The following PLCG2 variants were observed in gnomAD, a reference collection of about 807,000 sequenced individuals.
PLCG2 encodes the protein 1-phosphatidylinositol 4,5-bisphosphate phosphodiesterase gamma-2.
Under a neutral mutation model 175.6 loss-of-function variants are expected in PLCG2, and 69 were observed. The observed-to-expected ratio is 0.39, with a 90% CI of 0.32 to 0.48. PLCG2 has a LOEUF of 0.48. Among genes scored for constraint, PLCG2 ranks in the 20% least tolerant of loss-of-function variants. PLCG2 has a pLI of 0.91. For synonymous variants in PLCG2, 827 were observed against 624.0 expected, an observed-to-expected ratio of 1.33 and a Z score of -4.85; for missense variants, 1,798 against 1,650.9, an observed-to-expected ratio of 1.09 and a Z score of -1.54.
intron 25 of PLCG2, among the ~76,000 whole-genome samples, chr16:81,933,143 G>A (rs924048218): frequency 3.9e-5 from 6 of 152,190 alleles, no homozygotes; most frequent in Admixed American, 2.0e-4. Flanking sequence ...TGCTGTTGGC[G>A]GCCTTTGGTC....
chr16:81,804,222 TG>T (rs1260319828), intron 2 of PLCG2, among the ~76,000 whole-genome samples: 1 of 152,248 alleles, frequency 6.6e-6, no homozygotes, highest in Non-Finnish European at 1.5e-5. Context: ...TGTTAGTATC[TG>T]TCTTTTTGGT....
chr16:81,957,974 C>G lies in PLCG2; in HGVS notation c.3774C>G (p.Val1258=). Residue 1258 remains valine (V), a synonymous_variant, in exon 33 of 33, where the codon GTC becomes GTG. Transcript: ENST00000564138. ...KCNKRLREKR[V]SNSKFYS is the part of the protein sequence containing the mutation. ...ATTTCAGGTTAAGAGAGAAGAGAGT[C>G]AGCAACAGCAAGTTTTACTCATAGA... 6.2e-7 allele frequency: 1 copy of G among 1,613,536 alleles called. No homozygotes were observed. The highest frequency in any genetic ancestry group is 8.5e-7 in the Non-Finnish European group (1 of 1,179,466).
At chr16:81,865,190 G>T (rs1907168559) in intron 5 of PLCG2, among the ~76,000 whole-genome samples, 1 of 152,168 alleles carries the variant, frequency 6.6e-6, no homozygotes, top group Admixed American at 6.5e-5. Flanking sequence ...GCGTGGACTG[G>T]GTCAGAGCTG....
chr16:81,905,565 G>A (rs1909333303), intron 15 of PLCG2, 58 bp downstream of exon 15: 1 of 1,122,130 alleles, frequency 8.9e-7, no homozygotes, highest in Admixed American at 1.8e-5. Flanking sequence ...GCTGCTTCTT[G>A]GAGCCCTGCT....
chr16:81,743,581 A>T (rs1402423510), intron 1 of PLCG2, among the ~76,000 whole-genome samples: 1 of 152,182 alleles, frequency 6.6e-6, no homozygotes, highest in East Asian at 1.9e-4. Context: ...CACCTCATGC[A>T]CCCTGAGCTG....
intron 31 of PLCG2, among the ~76,000 whole-genome samples, chr16:81,948,416 C>T (rs1202598199): frequency 6.6e-6 from 1 of 152,118 alleles, no homozygotes; most frequent in African/African-American, 2.4e-5. Flanking sequence ...ACTGGCTGCC[C>T]CACGACCTGT....
At chr16:81,797,227 G>T (rs1911510143) in intron 2 of PLCG2, among the ~76,000 whole-genome samples, 1 of 152,064 alleles carries the variant, frequency 6.6e-6, no homozygotes, top group Non-Finnish European at 1.5e-5. Context: ...CTTAGGGATT[G>T]TGCTGAGTTG....
At chr16:81,849,508 C>G (rs1156506276) in intron 2 of PLCG2, among the ~76,000 whole-genome samples, 19 of 152,168 alleles carry the variant, frequency 1.2e-4, no homozygotes, top group Admixed American at 1.2e-3. Flanking sequence ...CGTGTAATCT[C>G]TGTACTTTGG....
rs899811307 is a variant in PLCG2 at position 81,959,256 on chromosome 16, A to G, written c.*1258A>G. ...GCAGTAAGCCTGATGTTTGATGTGG[A>G]TGGAACTGGCCCCTAGAAACCCATC... On this transcript the variant is annotated 3_prime_UTR_variant, in exon 33 of 33. Transcript: ENST00000564138. The G allele has an allele frequency of 1.3e-5, 3 of 223,736 alleles. No individual in the cohort carries two copies. Among genetic ancestry groups the G allele is most frequent in the Non-Finnish European group, 2.7e-5 (3 of 112,156 alleles). The allele number at this position is 223,736 out of a possible 1,614,324, so 13.9% of individuals were successfully genotyped here.
At chr16:81,803,215 T>A (rs948513770) in intron 2 of PLCG2, among the ~76,000 whole-genome samples, 44 of 149,796 alleles carry the variant, frequency 2.9e-4, no homozygotes, top group Non-Finnish European at 7.4e-5. Flanking sequence ...GCCTCATGGG[T>A]TCATGCCATT....
chr16:81,804,702 G>T (rs1257964345), intron 2 of PLCG2, among the ~76,000 whole-genome samples: 1 of 152,118 alleles, frequency 6.6e-6, no homozygotes, highest in Non-Finnish European at 1.5e-5. Flanking sequence ...TGTATATTTG[G>T]TGACCGTTTT....
chr16:81,778,578 A>T (rs920334334), upstream of PLCG2, among the ~76,000 whole-genome samples: 4 of 152,204 alleles, frequency 2.6e-5, no homozygotes. Context: ...CCATGAGATC[A>T]GGAAAACGGG....
chr16:81,910,196 T>G (rs1050217749), intron 17 of PLCG2, among the ~76,000 whole-genome samples: 7 of 152,160 alleles, frequency 4.6e-5, no homozygotes, highest in African/African-American at 1.7e-4. Flanking sequence ...GTACAAGTGA[T>G]TCTCTTGCCT....
At chr16:81,950,824 A>G (rs1212827094) in intron 31 of PLCG2, among the ~76,000 whole-genome samples, 1 of 152,224 alleles carries the variant, frequency 6.6e-6, no homozygotes, top group Non-Finnish European at 1.5e-5. Flanking sequence ...CTTGCCTTAA[A>G]ACTTCACAAA....
At chr16:81,842,547 T>C (rs767641938) in intron 2 of PLCG2, among the ~76,000 whole-genome samples, 2 of 152,134 alleles carry the variant, frequency 1.3e-5, no homozygotes, top group Non-Finnish European at 2.9e-5. Flanking sequence ...CTTCTGTCTG[T>C]CTGTTTGCTC....
chr16:81,809,963 A>G (rs542172080), intron 2 of PLCG2, among the ~76,000 whole-genome samples: 35 of 151,570 alleles, frequency 2.3e-4, no homozygotes, highest in African/African-American at 8.0e-4. Flanking sequence ...TCTTTCTGCC[A>G]GTCTTTGTCT....
chr16:81,897,115 A>C (rs991627899), intron 13 of PLCG2, among the ~76,000 whole-genome samples: 1 of 152,240 alleles, frequency 6.6e-6, no homozygotes, highest in African/African-American at 2.4e-5. Flanking sequence ...GTTCCAGTTA[A>C]AACTTGAATT....
At chr16:81,763,088 T>C (rs1255024699) in intron 2 of PLCG2, among the ~76,000 whole-genome samples, 1 of 152,106 alleles carries the variant, frequency 6.6e-6, no homozygotes, top group Non-Finnish European at 1.5e-5. Context: ...AAAAATAAGA[T>C]AAAATACAAA....
intron 1 of PLCG2, among the ~76,000 whole-genome samples, chr16:81,742,770 G>A (rs1333252081): frequency 1.3e-5 from 2 of 152,152 alleles, no homozygotes; most frequent in Non-Finnish European, 2.9e-5. Context: ...AACAGGGGCC[G>A]GGAGCCTCAC....
Sources: gnomAD v4.1 joint callset for allele counts (sites outside exome capture counted in the v4.1 genomes callset) on GRCh38, gnomAD v4.1.1 for gene constraint, MANE v1.5 for transcripts, NCBI Gene and HGNC (gene_info 2026-07-23, HGNC 2026-07-21) for gene names.